Variants in PROM1 observed in about 807,000 individuals in gnomAD.
The protein encoded by PROM1 is prominin-1.
In PROM1, 105 loss-of-function variants were observed where a neutral mutation model predicts 116.9. The observed-to-expected ratio is 0.90, with a 90% CI of 0.77 to 1.06. The LOEUF is 1.06. Among genes scored for constraint, PROM1 ranks in the 50% least tolerant of loss-of-function variants. The pLI, the probability that PROM1 is intolerant of heterozygous loss-of-function variation, is 0.00. For synonymous variants in PROM1, 393 were observed against 387.0 expected (o/e 1.02, Z -0.18); for missense variants, 1,122 against 1,045.2 (o/e 1.07, Z -1.01).
chr4:16,058,625 C>G (rs1388470668), intron 2 of PROM1, among the ~76,000 whole-genome samples: 2 of 145,514 alleles, frequency 1.4e-5, no homozygotes, highest in East Asian at 4.0e-4. Context: ...CTAGCCTGGG[C>G]GACAGAATAA....
At chr4:15,983,776 C>A (rs1166908315) in intron 23 of PROM1, among the ~76,000 whole-genome samples, 1 of 152,134 alleles carries the variant, frequency 6.6e-6, no homozygotes, top group Non-Finnish European at 1.5e-5. Flanking sequence ...CACTGAGGTG[C>A]TTTCAGCAGA....
chr4:16,017,467 A>C (rs1728678689), intron 9 of PROM1, among the ~76,000 whole-genome samples: 1 of 152,268 alleles, frequency 6.6e-6, no homozygotes, highest in South Asian at 2.1e-4. Context: ...TGTCTGAAAA[A>C]CAATGGAATG....
Position 15,980,503 on chromosome 4 carries a change from A to G in PROM1, c.2408T>C (p.Val803Ala), listed in dbSNP as rs757702736. The G allele has an allele frequency of 3.5e-5, 54 of 1,554,054 alleles. No individual in the cohort carries two copies. Among genetic ancestry groups the G allele is most frequent in the Admixed American group, 5.9e-5 (3 of 51,174 alleles). ...AAAAATTAGAGCCGGAAGTAAAAAT[A>G]CAGTAGCTTTTCCTATGCCAAACCA... ...LFWFGIGKAT[V>A]FLLPALIFAV... Residue 803 changes from valine to alanine, a missense_variant, in exon 24 of 28, where the codon GTA becomes GCA. Val to Ala is a moderately conservative substitution (Grantham distance 64). Coordinates refer to ENST00000447510, the MANE Select transcript of PROM1 (RefSeq NM_006017.3).
chr4:15,997,522 C>T (rs1243211375), intron 15 of PROM1, among the ~76,000 whole-genome samples: 2 of 151,960 alleles, frequency 1.3e-5, no homozygotes, highest in Admixed American at 6.6e-5. Flanking sequence ...TGCAGTGGCA[C>T]GATCTTGGCT....
intron 12 of PROM1, 138 bp from the exon 13 acceptor site, chr4:16,006,828 C>A: frequency 1.2e-6 from 1 of 834,802 alleles, no homozygotes; most frequent in Admixed American, 2.8e-5. Flanking sequence ...CCTCAGAGGA[C>A]AATAATGTTG....
intron 23 of PROM1, among the ~76,000 whole-genome samples, chr4:15,980,946 G>GTTATTTATTTATTTAT (rs59408018): frequency 0.23 from 33,325 of 145,030 alleles, 4,098 homozygotes; most frequent in Non-Finnish European, 0.28. Context: ...CTTATGAGTT[G>GTTATTTATTTATTTAT]TTATTTATTT....
At chr4:16,067,181 C>CA (rs1741733670) in intron 2 of PROM1, among the ~76,000 whole-genome samples, 1 of 152,186 alleles carries the variant, frequency 6.6e-6, no homozygotes, top group Non-Finnish European at 1.5e-5. Context: ...TAGGGTGCAG[C>CA]ACGGAGGGAA....
At chr4:16,070,562 C>T (rs1376017495) in intron 2 of PROM1, among the ~76,000 whole-genome samples, 1 of 152,036 alleles carries the variant, frequency 6.6e-6, no homozygotes, top group Non-Finnish European at 1.5e-5. Flanking sequence ...CAAAGACCTC[C>T]CATAATTTTG....
rs1254417996 is a variant in PROM1, at chr4:15,968,493, A to T, written c.*900T>A. ...CTGGACACCAGATCTAAGAATTGTG[A>T]CAGGATCTTCTCATATTTCATTTTA... On this transcript the variant is annotated 3_prime_UTR_variant, in exon 28 of 28. Coordinates refer to ENST00000447510, the MANE Select transcript of PROM1 (RefSeq NM_006017.3). 1.3e-5 allele frequency: 2 copies of T among 152,234 alleles called. No homozygotes were observed. The highest frequency in any genetic ancestry group is 2.9e-5 in the Non-Finnish European group (2 of 68,040). The allele number at this position is 152,234 out of a possible 1,614,324, so 9.4% of individuals were successfully genotyped here.
At chr4:16,073,754 CT>C (rs1448134208) in intron 2 of PROM1, among the ~76,000 whole-genome samples, 7 of 152,184 alleles carry the variant, frequency 4.6e-5, no homozygotes, top group African/African-American at 1.7e-4. Context: ...CTTCAGTTCC[CT>C]CCTTCGGTCT....
intron 2 of PROM1, among the ~76,000 whole-genome samples, chr4:16,041,137 T>C (rs1197733946): frequency 1.3e-5 from 2 of 152,218 alleles, no homozygotes; most frequent in Non-Finnish European, 2.9e-5. Flanking sequence ...TTTTGTTGTG[T>C]TGACATTTGC....
chr4:15,969,350 C>T lies in PROM1; in HGVS notation c.*43G>A, dbSNP rs1713798931. The T allele has an allele frequency of 6.6e-6, 1 of 152,142 alleles. No homozygotes were observed. The highest frequency in any genetic ancestry group is 6.5e-5 in the Admixed American group (1 of 15,274). The allele number at this position is 152,142 out of a possible 1,614,324, so 9.4% of individuals were successfully genotyped here. On this transcript the variant is annotated 3_prime_UTR_variant, in exon 28 of 28. Coordinates refer to ENST00000447510, the MANE Select transcript of PROM1 (RefSeq NM_006017.3). ...ACTACCAAAAATCTGTGATCCTTTC[C>T]ACTTTGAGTATCCTGATGCTGAAAT... is the stretch of plus-strand genomic sequence containing the variant.
intron 26 of PROM1, among the ~76,000 whole-genome samples, chr4:15,977,447 T>C (rs1178006822): frequency 6.6e-6 from 1 of 152,224 alleles, no homozygotes; most frequent in Admixed American, 6.5e-5. Context: ...CAGGACATTA[T>C]GCAGGCAGCC....
intron 23 of PROM1, among the ~76,000 whole-genome samples, 177 bp downstream of exon 23, chr4:15,984,086 G>A (rs376647973): frequency 8.5e-5 from 13 of 152,230 alleles, no homozygotes; most frequent in South Asian, 4.1e-4. Context: ...GAAGACAACC[G>A]CCCAGAACTT....
At chr4:15,995,312 G>A (rs1266030785) in intron 15 of PROM1, among the ~76,000 whole-genome samples, 1 of 144,174 alleles carries the variant, frequency 6.9e-6, no homozygotes, top group Non-Finnish European at 1.5e-5. Context: ...GAGAGAGAGA[G>A]AGAAAAAGAA....
intron 2 of PROM1, among the ~76,000 whole-genome samples, chr4:16,067,033 T>C (rs577356673): frequency 6.6e-6 from 1 of 152,306 alleles, no homozygotes; most frequent in Admixed American, 6.5e-5. Context: ...CCTATGAAAG[T>C]GAAGACACAC....
At chr4:16,057,348 A>T (rs1216975028) in intron 2 of PROM1, among the ~76,000 whole-genome samples, 1 of 152,224 alleles carries the variant, frequency 6.6e-6, no homozygotes, top group East Asian at 1.9e-4. Context: ...GTTCGAAGAG[A>T]GCCTTCATCT....
At chr4:16,022,305 C>A (rs540160601) in intron 8 of PROM1, among the ~76,000 whole-genome samples, 1 of 152,232 alleles carries the variant, frequency 6.6e-6, no homozygotes, top group African/African-American at 2.4e-5. Flanking sequence ...ATGAAGAGAA[C>A]AGATGTCTAG....
chr4:16,034,770 G>T (rs1733594564), intron 4 of PROM1, among the ~76,000 whole-genome samples: 1 of 152,206 alleles, frequency 6.6e-6, no homozygotes, highest in Admixed American at 6.5e-5. Flanking sequence ...TAAAACACGA[G>T]TCTTGTTCCT....
Sources: gnomAD v4.1 joint callset for allele counts (sites outside exome capture counted in the v4.1 genomes callset) on GRCh38, gnomAD v4.1.1 for gene constraint, MANE v1.5 for transcripts, NCBI Gene and HGNC (gene_info 2026-07-23, HGNC 2026-07-21) for gene names.